Variants in A1CF observed in about 807,000 individuals in gnomAD.
The protein encoded by A1CF is APOBEC-1 stimulating protein.
In A1CF, 48 loss-of-function variants were observed where a neutral mutation model predicts 68.9. The observed-to-expected ratio is 0.70, with a 90% CI of 0.55 to 0.89. The LOEUF (loss-of-function observed/expected upper bound fraction) is 0.89. Ranked by LOEUF, A1CF falls within the 40% of genes least tolerant of loss-of-function variation. The probability of loss-of-function intolerance (pLI) is 0.00; values close to 1 mark genes in which losing one functional copy is unlikely to be tolerated. For synonymous variants in A1CF, 272 were observed against 260.4 expected (o/e 1.04, Z -0.43); for missense variants, 653 against 718.9 (o/e 0.91, Z 1.05).
intron 12 of A1CF, 57 bp downstream of exon 12, chr10:50,809,837 A>G: frequency 6.2e-7 from 1 of 1,602,580 alleles, no homozygotes; most frequent in South Asian, 1.1e-5. Flanking sequence ...TGGTACCAAA[A>G]AAGGGTTTCC....
Position 50,805,026 on chromosome 10 carries a change from A to C in A1CF, c.*1703T>G, listed in dbSNP as rs1323939888. 1 of 152,232 alleles carries C rather than the reference A, an allele frequency of 6.6e-6. No homozygotes were observed. 9.4% of individuals were successfully genotyped at this position (152,232 alleles called of 1,614,324 possible). ...ATTAGACGCTAAATGTAAAGTAGAA[A>C]GCACAGGGCCTTTCAGAGTTTCAGC... On this transcript the variant is annotated 3_prime_UTR_variant, in exon 13 of 13. Transcript: ENST00000373997.
chr10:50,863,529 T>C (rs1840840811), intron 2 of A1CF, among the ~76,000 whole-genome samples: 1 of 152,218 alleles, frequency 6.6e-6, no homozygotes, highest in Admixed American at 6.5e-5. Flanking sequence ...AATTATTTAT[T>C]GAGTATCTAC....
At chr10:50,829,297 A>C (rs775016433) in intron 6 of A1CF, among the ~76,000 whole-genome samples, 7 of 152,082 alleles carry the variant, frequency 4.6e-5, no homozygotes, top group Non-Finnish European at 1.0e-4. Context: ...TGAAGTGATG[A>C]GAGGAGAGTG....
chr10:50,814,941 A>G (rs553017430), intron 9 of A1CF, among the ~76,000 whole-genome samples: 1 of 152,222 alleles, frequency 6.6e-6, no homozygotes, highest in Non-Finnish European at 1.5e-5. Flanking sequence ...TTTCATTTGC[A>G]TTACAATTTT....
At chr10:50,868,487 T>C (rs1841097954) in intron 1 of A1CF, among the ~76,000 whole-genome samples, 1 of 152,164 alleles carries the variant, frequency 6.6e-6, no homozygotes, top group South Asian at 2.1e-4. Flanking sequence ...TTTCAAAATA[T>C]AGCCATGAAG....
rs1036139246 is a variant in A1CF at position 50,806,939 on chromosome 10, T to C, written c.1610-59A>G. On this transcript the variant is annotated intron_variant, in intron 12 of 12. Coordinates refer to ENST00000373997, the MANE Select transcript of A1CF (RefSeq NM_014576.4). The stretch of plus-strand genomic sequence containing the variant: ...GAATTCACATTTGCTCCCTTTTGGC[T>C]TATTTGTCTTCTTTTAGAAATACGA... The C allele has an allele frequency of 1.6e-5, 24 of 1,528,388 alleles. No individual in the cohort carries two copies. The East Asian group carries it at 5.2e-4, about 33-fold the overall frequency. The allele number at this position is 1,528,388 out of a possible 1,614,324, so 94.7% of individuals were successfully genotyped here.
At chr10:50,808,332 C>T (rs1257809768) in intron 12 of A1CF, among the ~76,000 whole-genome samples, 3 of 152,204 alleles carry the variant, frequency 2.0e-5, no homozygotes, top group African/African-American at 4.8e-5. Context: ...TAACTTCTCA[C>T]AGAAGCCAGT....
chr10:50,803,634 T>C lies in A1CF; in HGVS notation c.*3095A>G, dbSNP rs1190943334. 1 of 152,214 alleles carries C rather than the reference T, an allele frequency of 6.6e-6. No homozygotes were observed. Among genetic ancestry groups the C allele is most frequent in the Non-Finnish European group, 1.5e-5 (1 of 68,018 alleles). The allele number at this position is 152,214 out of a possible 1,614,324, so 9.4% of individuals were successfully genotyped here. A position where few individuals can be genotyped will look rare whatever the true frequency, so the allele number is the denominator to read the frequency against. ...GCACTTTTATAGGAAAGAAAATAGA[T>C]ACCCAATCCCATTGCTGATCAATTT... On this transcript the variant is annotated 3_prime_UTR_variant, in exon 13 of 13. Transcript: ENST00000373997.
intron 1 of A1CF, among the ~76,000 whole-genome samples, chr10:50,880,078 G>T (rs1390156368): frequency 6.6e-6 from 1 of 152,190 alleles, no homozygotes; most frequent in South Asian, 2.1e-4. Flanking sequence ...GAGGGTTCAG[G>T]TTCTGCTCTT....
intron 6 of A1CF, among the ~76,000 whole-genome samples, chr10:50,835,872 C>T (rs1034334487): frequency 6.6e-6 from 1 of 152,084 alleles, no homozygotes; most frequent in African/African-American, 2.4e-5. Flanking sequence ...AAATTAGCCT[C>T]AATGCACAGA....
At chr10:50,857,745 G>T (rs1445191640) in intron 3 of A1CF, among the ~76,000 whole-genome samples, 3 of 152,206 alleles carry the variant, frequency 2.0e-5, no homozygotes, top group African/African-American at 7.2e-5. Flanking sequence ...TTTGTTGTTG[G>T]CAAGGAGAAG....
At chr10:50,852,890 A>T (rs553827012) in intron 3 of A1CF, among the ~76,000 whole-genome samples, 1 of 152,172 alleles carries the variant, frequency 6.6e-6, no homozygotes, top group East Asian at 1.9e-4. Flanking sequence ...ACCTAAGTAC[A>T]TTATCTCAAA....
chr10:50,829,423 T>C (rs1038943986), intron 6 of A1CF, among the ~76,000 whole-genome samples: 13 of 152,278 alleles, frequency 8.5e-5, no homozygotes, highest in South Asian at 6.2e-4. Flanking sequence ...AATCAGGAAC[T>C]CTCAGTATTG....
chr10:50,875,366 T>G (rs989487943), intron 1 of A1CF, among the ~76,000 whole-genome samples: 2 of 152,176 alleles, frequency 1.3e-5, no homozygotes, highest in Admixed American at 6.5e-5. Context: ...AATAAGATAT[T>G]TATATGACCA....
In A1CF at chr10:50,804,779, AG is replaced by A. The variant is rs1265436875; in HGVS notation, c.*1949del. Reference sequence around the variant, plus strand: ...TACTAAAAGTGAAATAAAAAGGAAAAGAAATAAAGAGATAGAGTATAAATAC... The same window carrying A: ...TACTAAAAGTGAAATAAAAAGGAAAAAAATAAAGAGATAGAGTATAAATAC... On this transcript the variant is annotated 3_prime_UTR_variant, in exon 13 of 13. Transcript: ENST00000373997. 1 of 152,194 alleles carries A rather than the reference AG, an allele frequency of 6.6e-6. No individual in the cohort carries two copies. Among genetic ancestry groups the A allele is most frequent in the Non-Finnish European group, 1.5e-5 (1 of 68,022 alleles). 9.4% of individuals were successfully genotyped at this position (152,194 alleles called of 1,614,324 possible). A position where few individuals can be genotyped will look rare whatever the true frequency, so the allele number is the denominator to read the frequency against.
At chr10:50,838,625 C>G (rs1839632978) in intron 5 of A1CF, among the ~76,000 whole-genome samples, 1 of 152,150 alleles carries the variant, frequency 6.6e-6, no homozygotes, top group Admixed American at 6.5e-5. Flanking sequence ...TCTCTAGAAG[C>G]CAGACATTTA....
intron 2 of A1CF, among the ~76,000 whole-genome samples, chr10:50,860,828 G>C (rs774068950): frequency 2.6e-5 from 4 of 152,070 alleles, no homozygotes; most frequent in Non-Finnish European, 5.9e-5. Flanking sequence ...CATTTTGAAG[G>C]TTCTAGGCTG....
intron 1 of A1CF, among the ~76,000 whole-genome samples, chr10:50,885,294 C>G (rs1841954653): frequency 6.6e-6 from 1 of 152,108 alleles, no homozygotes. Context: ...CTGGTTAGAG[C>G]TAAATAAACT....
At chr10:50,849,592 T>C (rs542417122) in intron 3 of A1CF, among the ~76,000 whole-genome samples, 10 of 152,302 alleles carry the variant, frequency 6.6e-5, no homozygotes, top group African/African-American at 2.2e-4. Flanking sequence ...TAGCCTAGTG[T>C]TTCTCAAAAT....
Sources: allele counts gnomAD v4.1 joint callset (sites outside exome capture counted in the v4.1 genomes callset), GRCh38; gene constraint gnomAD v4.1.1; transcripts MANE v1.5; gene names NCBI Gene and HGNC (gene_info 2026-07-23, HGNC 2026-07-21).